ZC3HAV1L: variants seen among roughly 807,000 people sequenced by gnomAD.
ZC3HAV1L encodes the protein ZC3HAV1 like, also known as zinc finger CCCH-type antiviral protein 1-like.
ZC3HAV1L carries 23 observed loss-of-function variants against 28.2 expected under a neutral mutation model. The ratio of observed to expected loss-of-function variants is 0.82; its 90% confidence interval spans 0.59 to 1.16. The LOEUF (loss-of-function observed/expected upper bound fraction) is 1.16, where lower values mean the gene tolerates loss of function less well. Among genes scored for constraint, ZC3HAV1L ranks in the 50% most tolerant of loss-of-function variants. The pLI is 0.00. For synonymous variants in ZC3HAV1L, 180 were observed against 163.4 expected, an observed-to-expected ratio of 1.10 and a Z score of -0.78; for missense variants, 376 against 387.7, an observed-to-expected ratio of 0.97 and a Z score of 0.25.
chr7:139,024,456 T>C (rs1815305736), downstream of ZC3HAV1L, among the ~76,000 whole-genome samples: 2 of 152,192 alleles, frequency 1.3e-5, no homozygotes, highest in Admixed American at 6.5e-5. Context: ...TAAGATAGCT[T>C]ACTACAAAAA....
intron 2 of ZC3HAV1L, among the ~76,000 whole-genome samples, chr7:139,033,158 G>A: frequency 6.6e-6 from 1 of 151,220 alleles, no homozygotes; most frequent in Admixed American, 6.6e-5. Flanking sequence ...ACAGTGAGCC[G>A]AGGTACTTCC....
In ZC3HAV1L at chr7:139,034,534, G is replaced by A. The variant is rs200516713; in HGVS notation, c.501+9C>T. The A allele has an allele frequency of 3.7e-6, 6 of 1,613,884 alleles. No homozygotes were observed. In the East Asian group the frequency reaches 1.1e-4, roughly 30 times the overall value. On this transcript the variant is annotated intron_variant, in intron 2 of 4. Coordinates refer to ENST00000275766, the MANE Select transcript of ZC3HAV1L (RefSeq NM_080660.4). The stretch of plus-strand genomic sequence containing the variant: ...AATGTGACATGAGGGTGACTCCTTG[G>A]TGACTCACCTCTGGTAAAAGACAGG...
rs1419866218 is a variant in ZC3HAV1L, at chr7:139,026,642, C to T, written c.886+66G>A. On this transcript the variant is annotated intron_variant, in intron 4 of 4. Coordinates refer to ENST00000275766, the MANE Select transcript of ZC3HAV1L (RefSeq NM_080660.4). The stretch of plus-strand genomic sequence containing the variant: ...TTACAAATTAAAGCTAAACAGAAGG[C>T]TTGTTTTCAGATCTTCCAAGCTGGA... The T allele has an allele frequency of 6.8e-6, 11 of 1,612,284 alleles. No individual in the cohort carries two copies. In the East Asian group the frequency reaches 2.0e-4, roughly 29 times the overall value.
At chr7:139,022,556 G>A (rs373832381), downstream of ZC3HAV1L, 49 of 192,674 alleles carry the variant, frequency 2.5e-4, no homozygotes, top group Middle Eastern at 4.3e-3. Flanking sequence ...AAAAAACGTC[G>A]GAGAAGGAGG....
In ZC3HAV1L at chr7:139,026,205, C is replaced by T. The variant is rs137891636; in HGVS notation, c.*339G>A. 2.0e-3 allele frequency: 539 copies of T among 269,820 alleles called. 15 individuals carry two copies. In the East Asian group the frequency reaches 0.039, roughly 19 times the overall value. 16.7% of individuals were successfully genotyped at this position (269,820 alleles called of 1,614,324 possible). A position where few individuals can be genotyped will look rare whatever the true frequency, so the allele number is the denominator to read the frequency against. On this transcript the variant is annotated 3_prime_UTR_variant, in exon 5 of 5. Transcript: ENST00000275766. ...TAATATTAATGTATCTGTGCAAAAA[C>T]ATGATTATGTACGATGTGAACAAAT...
chr7:139,032,356 C>G (rs115617482), intron 2 of ZC3HAV1L, among the ~76,000 whole-genome samples: 2,329 of 152,068 alleles, frequency 0.015, 61 homozygotes, highest in African/African-American at 0.053. Flanking sequence ...ACATAATGGC[C>G]AGGCACAGTG....
At chr7:139,023,310 A>C (rs1284683406), downstream of ZC3HAV1L, among the ~76,000 whole-genome samples, 2 of 152,194 alleles carry the variant, frequency 1.3e-5, no homozygotes, top group Non-Finnish European at 2.9e-5. Context: ...ACTCGACTAA[A>C]GTCAATATTC....
intron 2 of ZC3HAV1L, 88 bp from the exon 3 acceptor site, chr7:139,029,048 G>C (rs1815446438): frequency 6.9e-7 from 1 of 1,448,758 alleles, no homozygotes; most frequent in African/African-American, 1.4e-5. Context: ...TGTCACCCAG[G>C]CTGGAGTACA....
At chr7:139,026,673 T>G in intron 4 of ZC3HAV1L, 35 bp downstream of exon 4, 1 of 1,612,854 alleles carries the variant, frequency 6.2e-7, no homozygotes, top group Non-Finnish European at 8.5e-7. Context: ...CTGGACAAGC[T>G]TCTTCTTAGT....
rs1233702610 is a variant in ZC3HAV1L at position 139,033,695 on chromosome 7, CA to C, written c.501+847del. ...AGATACATCCTAAAAAAGGGCATACCAAAAAAACATTCGATAGATTTGACAA... is the reference window on the plus strand; with the variant it reads ...AGATACATCCTAAAAAAGGGCATACCAAAAAACATTCGATAGATTTGACAA... On this transcript the variant is annotated intron_variant, in intron 2 of 4. Transcript: ENST00000275766. 1.3e-5 allele frequency: 13 copies of C among 983,788 alleles called. No individual in the cohort carries two copies. In the South Asian group the frequency reaches 3.8e-4, roughly 28 times the overall value. The allele number at this position is 983,788 out of a possible 1,614,324, so 60.9% of individuals were successfully genotyped here. A position where few individuals can be genotyped will look rare whatever the true frequency, so the allele number is the denominator to read the frequency against.
At chr7:139,032,190 T>C (rs1307341965) in intron 2 of ZC3HAV1L, among the ~76,000 whole-genome samples, 1 of 152,208 alleles carries the variant, frequency 6.6e-6, no homozygotes, top group African/African-American at 2.4e-5. Flanking sequence ...AAATAGATCC[T>C]ACACCTACTC....
At position 139,029,630 on chromosome 7, in the gene ZC3HAV1L, T is replaced by C. The variant is rs1185542554; in HGVS notation, c.502-670A>G. Reference sequence around the variant, plus strand: ...GTGATCTTTGTTCCACAGCTCCCCATGAATGAAGTCAAGGCCAGACCTTAT... The same window carrying C: ...GTGATCTTTGTTCCACAGCTCCCCACGAATGAAGTCAAGGCCAGACCTTAT... On this transcript the variant is annotated intron_variant, in intron 2 of 4. Coordinates refer to ENST00000275766, the MANE Select transcript of ZC3HAV1L (RefSeq NM_080660.4). Among the ~76,000 whole-genome samples, 4 of 152,190 alleles carry C rather than the reference T, an allele frequency of 2.6e-5. No individual in the cohort carries two copies. In the East Asian group the frequency reaches 7.7e-4, roughly 29 times the overall value.
intron 2 of ZC3HAV1L, among the ~76,000 whole-genome samples, chr7:139,030,346 G>A (rs982829028): frequency 3.9e-5 from 6 of 152,202 alleles, no homozygotes; most frequent in Non-Finnish European, 8.8e-5. Context: ...TGGGGAGGCT[G>A]AGGCAGAAGA....
chr7:139,033,565 G>A (rs1017847034), intron 2 of ZC3HAV1L, among the ~76,000 whole-genome samples: 1 of 152,126 alleles, frequency 6.6e-6, no homozygotes, highest in African/African-American at 2.4e-5. Flanking sequence ...AGGTGATGGG[G>A]ACAAGTGGAG....
At chr7:139,025,525 C>T (rs1815330711), downstream of ZC3HAV1L, among the ~76,000 whole-genome samples, 1 of 151,502 alleles carries the variant, frequency 6.6e-6, no homozygotes, top group South Asian at 2.1e-4. Flanking sequence ...CTCTGTACTA[C>T]TGGCTGAGGA....
At chr7:139,029,480 C>T (rs1398004712) in intron 2 of ZC3HAV1L, among the ~76,000 whole-genome samples, 1 of 152,214 alleles carries the variant, frequency 6.6e-6, no homozygotes, top group South Asian at 2.1e-4. Flanking sequence ...CTGCTTGTGA[C>T]TCACAGCTGC....
chr7:139,028,736 C>T lies in ZC3HAV1L; in HGVS notation c.726G>A (p.Lys242=), dbSNP rs903322852. Residue 242 remains lysine, a synonymous_variant, in exon 3 of 5, where the codon AAG becomes AAA. Transcript: ENST00000275766. ...VVNFQIISTY[K]HMKLHKMLEN... The stretch of plus-strand genomic sequence containing the variant: ...CAAGCATCTTGTGCAGCTTCATATG[C>T]TTGTAGGTGGAGATTATCTGAAAAT... 1 of 1,614,008 alleles carries T rather than the reference C, an allele frequency of 6.2e-7. No individual in the cohort carries two copies. Among genetic ancestry groups the T allele is most frequent in the African/African-American group, 1.3e-5 (1 of 74,910 alleles).
In ZC3HAV1L at chr7:139,026,277, G is replaced by T; in HGVS notation, c.*267C>A. 1 of 450,828 alleles carries T rather than the reference G, an allele frequency of 2.2e-6. No individual in the cohort carries two copies. The allele number at this position is 450,828 out of a possible 1,614,324, so 27.9% of individuals were successfully genotyped here. ...AATATTAAGTGAAAAAAAAAAATGA[G>T]TGCAAAGTACTCTAGGATTGCCACA... On this transcript the variant is annotated 3_prime_UTR_variant, in exon 5 of 5. Coordinates refer to ENST00000275766, the MANE Select transcript of ZC3HAV1L (RefSeq NM_080660.4).
downstream of ZC3HAV1L, among the ~76,000 whole-genome samples, chr7:139,025,405 G>T (rs1422161977): frequency 6.7e-6 from 1 of 149,566 alleles, no homozygotes; most frequent in East Asian, 2.0e-4. Flanking sequence ...ATGAGATCGC[G>T]CCATTGCACT....
Sources: gnomAD v4.1 joint callset for allele counts (sites outside exome capture counted in the v4.1 genomes callset) on GRCh38, gnomAD v4.1.1 for gene constraint, MANE v1.5 for transcripts, NCBI Gene and HGNC (gene_info 2026-07-23, HGNC 2026-07-21) for gene names.